CRY1: variants seen among roughly 807,000 people sequenced by gnomAD.
CRY1 encodes cryptochrome-1.
Under a neutral mutation model 76.0 loss-of-function variants are expected in CRY1, and 45 were observed. The observed-to-expected ratio is 0.59, with a 90% CI of 0.47 to 0.76. The LOEUF (loss-of-function observed/expected upper bound fraction) is 0.76. Among genes scored for constraint, CRY1 ranks in the 30% least tolerant of loss-of-function variants. CRY1 has a pLI of 0.00. For missense variants in CRY1, 587 were observed against 716.4 expected, an observed-to-expected ratio of 0.82 and a Z score of 2.06; for synonymous variants, 248 against 244.0, an observed-to-expected ratio of 1.02 and a Z score of -0.15.
chr12:107,078,787 A>G (rs1366567601), intron 1 of CRY1, among the ~76,000 whole-genome samples: 2 of 152,094 alleles, frequency 1.3e-5, no homozygotes, highest in African/African-American at 4.8e-5. Context: ...TCTAATTGTC[A>G]CAGAGGCACA....
chr12:107,013,326 T>G (rs1198193751), intron 2 of CRY1, among the ~76,000 whole-genome samples: 4 of 152,218 alleles, frequency 2.6e-5, no homozygotes, highest in Admixed American at 2.0e-4. Context: ...GCAAAAAAGA[T>G]TATGACTTGC....
intron 1 of CRY1, among the ~76,000 whole-genome samples, chr12:107,053,985 A>G (rs1952953423): frequency 6.6e-6 from 1 of 152,184 alleles, no homozygotes; most frequent in South Asian, 2.1e-4. Flanking sequence ...CAAACCTAAG[A>G]GAGTTTACCA....
At chr12:107,065,155 G>A (rs1218197398) in intron 1 of CRY1, among the ~76,000 whole-genome samples, 26 of 152,030 alleles carry the variant, frequency 1.7e-4, no homozygotes, top group Admixed American at 1.6e-3. Flanking sequence ...AATCAGTCAG[G>A]CATGGTGGCA....
chr12:107,029,891 G>C (rs1952657194), intron 1 of CRY1, among the ~76,000 whole-genome samples: 1 of 152,094 alleles, frequency 6.6e-6, no homozygotes, highest in Non-Finnish European at 1.5e-5. Context: ...GAAAAATCAG[G>C]TGGGAGAAAT....
intron 1 of CRY1, among the ~76,000 whole-genome samples, chr12:107,055,982 G>A (rs1483273600): frequency 1.3e-5 from 2 of 152,178 alleles, no homozygotes; most frequent in Non-Finnish European, 2.9e-5. Flanking sequence ...TACTGGTTAA[G>A]ATATATAAAA....
intron 1 of CRY1, among the ~76,000 whole-genome samples, chr12:107,044,828 A>C (rs1327938705): frequency 6.6e-6 from 1 of 152,218 alleles, no homozygotes; most frequent in East Asian, 1.9e-4. Flanking sequence ...TCATTGGAGA[A>C]AGAAAAGGAA....
chr12:107,004,216 G>C (rs1019935966), intron 3 of CRY1, among the ~76,000 whole-genome samples: 1 of 152,094 alleles, frequency 6.6e-6, no homozygotes, highest in Admixed American at 6.6e-5. Flanking sequence ...TGGTGAGCTC[G>C]AAGGCAAGAT....
intron 7 of CRY1, 147 bp downstream of exon 7, chr12:106,999,404 G>T: frequency 1.5e-6 from 1 of 684,160 alleles, no homozygotes; most frequent in Non-Finnish European, 2.3e-6. Context: ...TTCTCTGAAA[G>T]TGTCCCCGTA....
intron 2 of CRY1, among the ~76,000 whole-genome samples, chr12:107,016,651 T>C (rs572785827): frequency 3.9e-5 from 6 of 152,346 alleles, no homozygotes; most frequent in African/African-American, 9.6e-5. Flanking sequence ...ACTATTTATA[T>C]ACTGAAGAGT....
Position 106,997,945 on chromosome 12 carries a change from C to T in CRY1, c.1259G>A (p.Arg420Lys), listed in dbSNP as rs1432033889. Residue 420 changes from arginine (R) to lysine (K), a missense_variant, in exon 8 of 13, where the codon AGG (arginine) becomes AAG (lysine). Coordinates refer to ENST00000008527, the MANE Select transcript of CRY1 (RefSeq NM_004075.5). Reference sequence around the variant, plus strand: ...ATAGTCTCCATTGGGATCTGTTCTCCTACCAAAACCAACAGGGCAATAGCA... The same window carrying T: ...ATAGTCTCCATTGGGATCTGTTCTCTTACCAAAACCAACAGGGCAATAGCA... The part of the protein sequence containing the change: ...FHCYCPVGFG[R>K]RTDPNGDYIR... 1 of 1,613,922 alleles carries T rather than the reference C, an allele frequency of 6.2e-7. No homozygotes were observed. Among genetic ancestry groups the T allele is most frequent in the Non-Finnish European group, 8.5e-7 (1 of 1,179,984 alleles).
intron 1 of CRY1, among the ~76,000 whole-genome samples, chr12:107,037,232 G>A (rs1952744236): frequency 6.6e-6 from 1 of 152,110 alleles, no homozygotes; most frequent in Non-Finnish European, 1.5e-5. Flanking sequence ...AGGCCAATAT[G>A]CTTGGACATC....
intron 2 of CRY1, among the ~76,000 whole-genome samples, chr12:107,007,911 C>A (rs368962812): frequency 7.9e-5 from 12 of 152,190 alleles, no homozygotes; most frequent in African/African-American, 2.9e-4. Context: ...ACTTCCTGCC[C>A]CTTTTCCTTC....
intron 2 of CRY1, among the ~76,000 whole-genome samples, chr12:107,013,046 T>C (rs1489200408): frequency 2.6e-5 from 4 of 152,212 alleles, no homozygotes; most frequent in Non-Finnish European, 5.9e-5. Context: ...ATCAAAATGA[T>C]AAAAAAGGAT....
intron 1 of CRY1, among the ~76,000 whole-genome samples, chr12:107,035,653 T>C (rs1283290888): frequency 6.6e-6 from 1 of 152,228 alleles, no homozygotes; most frequent in Non-Finnish European, 1.5e-5. Context: ...CCCAGTCAGC[T>C]TGGCTCCAAA....
Position 107,001,858 on chromosome 12 carries a change from T to C in CRY1, c.501A>G (p.Val167=), listed in dbSNP as rs748106266. 1.9e-6 allele frequency: 3 copies of C among 1,597,548 alleles called. No individual in the cohort carries two copies. The highest frequency in any genetic ancestry group is 8.5e-7 in the Non-Finnish European group (1 of 1,176,192). Residue 167 remains valine, a synonymous_variant, in exon 4 of 13, where the codon GTA becomes GTG. Transcript: ENST00000008527. Reference sequence around the variant, plus strand: ...CTATCACTTCTGAAGTAATTGTCTCTACTGGTATCTCTAGTGGTTCCATTT... The same window carrying C: ...CTATCACTTCTGAAGTAATTGTCTCCACTGGTATCTCTAGTGGTTCCATTT... The part of the protein sequence containing the change: ...ISKMEPLEIP[V]ETITSEVIEK...
chr12:107,067,643 A>G (rs1179812565), intron 1 of CRY1, among the ~76,000 whole-genome samples: 1 of 152,190 alleles, frequency 6.6e-6, no homozygotes, highest in East Asian at 1.9e-4. Flanking sequence ...GACATCTGGA[A>G]AAGAGGCCCT....
intron 1 of CRY1, among the ~76,000 whole-genome samples, chr12:107,032,682 A>G (rs1352872647): frequency 6.6e-6 from 1 of 152,186 alleles, no homozygotes; most frequent in Non-Finnish European, 1.5e-5. Flanking sequence ...GATGGCATGC[A>G]CCTGTAATCT....
intron 10 of CRY1, among the ~76,000 whole-genome samples, chr12:106,994,084 C>G (rs903840992): frequency 5.3e-5 from 8 of 151,698 alleles, no homozygotes; most frequent in Admixed American, 2.6e-4. Flanking sequence ...AAAACTAAGA[C>G]AAGTAAAAGA....
intron 8 of CRY1, 111 bp from the exon 9 acceptor site, chr12:106,997,801 C>T (rs1593491589): frequency 1.3e-6 from 2 of 1,527,462 alleles, no homozygotes; most frequent in African/African-American, 1.4e-5. Context: ...TCTGTTTACC[C>T]TTCTCATCTC....
Sources: gnomAD v4.1 joint callset for allele counts (sites outside exome capture counted in the v4.1 genomes callset) on GRCh38, gnomAD v4.1.1 for gene constraint, MANE v1.5 for transcripts, NCBI Gene and HGNC (gene_info 2026-07-23, HGNC 2026-07-21) for gene names.